Variants in CSMD2 observed in about 807,000 individuals in gnomAD.
CSMD2 encodes CUB and sushi domain-containing protein 2.
In CSMD2, 130 loss-of-function variants were observed where a neutral mutation model predicts 398.5. The observed-to-expected ratio is 0.33, with a 90% CI of 0.28 to 0.38. The LOEUF is 0.38. Ranked by LOEUF, CSMD2 falls within the 10% of genes least tolerant of loss-of-function variation. The pLI, the probability that CSMD2 is intolerant of heterozygous loss-of-function variation, is 1.00. For missense variants in CSMD2, 3,829 were observed against 4,764.9 expected, an observed-to-expected ratio of 0.80 and a Z score of 5.78; for synonymous variants, 1,828 against 1,908.5, an observed-to-expected ratio of 0.96 and a Z score of 1.10.
intron 3 of CSMD2, among the ~76,000 whole-genome samples, chr1:34,004,959 T>G (rs1647013600): frequency 6.6e-6 from 1 of 152,196 alleles, no homozygotes. Context: ...GGCTGAGCCC[T>G]GACCTGGGGG....
At chr1:33,822,850 C>T (rs188072195) in intron 7 of CSMD2, among the ~76,000 whole-genome samples, 21 of 152,322 alleles carry the variant, frequency 1.4e-4, no homozygotes, top group Admixed American at 1.3e-3. Flanking sequence ...TCCGTCCCTA[C>T]TGCAGACTTC....
intron 14 of CSMD2, among the ~76,000 whole-genome samples, chr1:33,742,810 A>C (rs1647125107): frequency 6.6e-6 from 1 of 152,102 alleles, no homozygotes; most frequent in South Asian, 2.1e-4. Flanking sequence ...GACTATGGGA[A>C]TGGGAACTGG....
chr1:33,754,123 G>C (rs767019023), intron 13 of CSMD2, among the ~76,000 whole-genome samples: 7 of 152,198 alleles, frequency 4.6e-5, no homozygotes, highest in Non-Finnish European at 8.8e-5. Flanking sequence ...TGGGGAGCCA[G>C]GGACAGAATG....
chr1:33,557,597 A>G, intron 55 of CSMD2, 137 bp downstream of exon 55: 1 of 815,598 alleles, frequency 1.2e-6, no homozygotes, highest in Non-Finnish European at 1.9e-6. Flanking sequence ...TGTCACCATA[A>G]GGCAACTCAT....
Position 33,601,970 on chromosome 1 carries a change from C to T in CSMD2, c.6710+399G>A, listed in dbSNP as rs79034122. On this transcript the variant is annotated intron_variant, in intron 43 of 70. Coordinates refer to ENST00000373381, the MANE Select transcript of CSMD2 (RefSeq NM_001281956.2). The stretch of plus-strand genomic sequence containing the variant: ...TGCTGGCTCAGCACCAGATGACCAA[C>T]GGGACATCACAAAATTCCACCTCAA... 5.7e-3 allele frequency among the ~76,000 whole-genome samples: 861 copies of T among 152,328 alleles called. 5 individuals are homozygous for T. The highest frequency in any genetic ancestry group is 0.019 in the African/African-American group (792 of 41,564).
chr1:33,536,126 C>G (rs1655749158), intron 62 of CSMD2, among the ~76,000 whole-genome samples: 2 of 152,174 alleles, frequency 1.3e-5, no homozygotes, highest in East Asian at 1.9e-4. Context: ...TGACTAGATC[C>G]CAGCCTGTCA....
At position 33,624,602 on chromosome 1, in the gene CSMD2, G is replaced by C; in HGVS notation, c.5542C>G (p.Leu1848Val). Residue 1848 changes from leucine to valine, a missense_variant, in exon 35 of 71, where the codon CTG becomes GTG. By Grantham distance (32) the Leu-to-Val change is conservative (BLOSUM62 1). Around this residue, in one of 5 missense-constraint regions of CSMD2, gnomAD observed 2,001 missense variants for 2,567.1 expected, o/e 0.78. Transcript: ENST00000373381. This position sits in a 1 kb window ranked among gnomAD's most constrained non-coding sequence, Gnocchi z 4.7. ...TACGGCTCTGGGAAGCCAGGGGACA[G>C]GATGGTGCCCCTGCGCTCTGTGAGG... ...GNLTERRGTI[L>V]SPGFPEPYLN... 6.2e-7 allele frequency: 1 copy of C among 1,613,978 alleles called. No individual in the cohort carries two copies. The highest frequency in any genetic ancestry group is 8.5e-7 in the Non-Finnish European group (1 of 1,179,904).
At chr1:33,896,878 A>G (rs560021668) in intron 5 of CSMD2, among the ~76,000 whole-genome samples, 2 of 152,130 alleles carry the variant, frequency 1.3e-5, no homozygotes, top group African/African-American at 4.8e-5. Context: ...AGCAGAGGGG[A>G]AAGCACGTGC....
rs773112274 is a variant in CSMD2, at chr1:33,743,334, C to T, written c.2119G>A (p.Glu707Lys). 2.5e-6 allele frequency: 4 copies of T among 1,613,860 alleles called. No individual in the cohort carries two copies. Among genetic ancestry groups the T allele is most frequent in the South Asian group, 2.2e-5 (2 of 91,006 alleles). Residue 707 changes from glutamate (E) to lysine (K), a missense_variant, in exon 14 of 71, where the codon GAG becomes AAG. By Grantham distance (56) the Glu-to-Lys change is moderately conservative. Transcript: ENST00000373381. ...ITSSGHVARL[E>K]FQTDHSTGKR... ...CCTGTGGAGTGGTCAGTCTGGAACT[C>T]GAGACGGGCCACGTGGCCACTGCTT...
intron 13 of CSMD2, among the ~76,000 whole-genome samples, chr1:33,754,119 G>A (rs975896320): frequency 6.6e-6 from 1 of 152,200 alleles, no homozygotes; most frequent in Non-Finnish European, 1.5e-5. Context: ...GATTTGGGGA[G>A]CCAGGGACAG....
intron 12 of CSMD2, among the ~76,000 whole-genome samples, chr1:33,775,411 G>A (rs1651841823): frequency 6.6e-6 from 1 of 151,744 alleles, no homozygotes. Context: ...TAATTGCTGA[G>A]TTTTTTTTTC....
At chr1:33,870,059 A>G (rs970734078) in intron 5 of CSMD2, 3 of 152,208 alleles carry the variant, frequency 2.0e-5, no homozygotes, top group Non-Finnish European at 4.4e-5. Flanking sequence ...CCACTAAAAT[A>G]TCAATTATTT....
intron 29 of CSMD2, among the ~76,000 whole-genome samples, chr1:33,640,445 C>T (rs78656492): frequency 0.02 from 3,002 of 152,260 alleles, 32 homozygotes; most frequent in Middle Eastern, 0.065. Context: ...GCCCACAGGT[C>T]GGTGGCTGCC....
At chr1:33,979,695 TTA>T (rs1646095674) in intron 3 of CSMD2, among the ~76,000 whole-genome samples, 1 of 138,748 alleles carries the variant, frequency 7.2e-6, no homozygotes, top group Admixed American at 7.0e-5. Flanking sequence ...TGTGTGTGTT[TTA>T]TGTGTGTGTG....
chr1:33,934,360 C>T (rs1286314985), intron 4 of CSMD2, among the ~76,000 whole-genome samples: 1 of 152,124 alleles, frequency 6.6e-6, no homozygotes, highest in Non-Finnish European at 1.5e-5. Context: ...AAAACAATTC[C>T]CATCTGATTT....
chr1:33,669,151 G>A (rs984452898), intron 25 of CSMD2, among the ~76,000 whole-genome samples: 4 of 152,136 alleles, frequency 2.6e-5, no homozygotes, highest in East Asian at 3.9e-4. Context: ...GGTCAGAGAC[G>A]GTATTCAAAC....
chr1:34,026,655 C>T (rs1206482783), intron 3 of CSMD2, among the ~76,000 whole-genome samples: 1 of 152,254 alleles, frequency 6.6e-6, no homozygotes, highest in African/African-American at 2.4e-5. Flanking sequence ...CATTTCTGAT[C>T]TGCCCATCAC....
At chr1:33,900,040 G>A (rs557995128) in intron 5 of CSMD2, among the ~76,000 whole-genome samples, 1 of 152,318 alleles carries the variant, frequency 6.6e-6, no homozygotes, top group Non-Finnish European at 1.5e-5. Context: ...ATGCTGGGAG[G>A]CTCTGGGAGC....
At chr1:33,739,546 C>T (rs2149246612) in intron 14 of CSMD2, among the ~76,000 whole-genome samples, 1 of 152,330 alleles carries the variant, frequency 6.6e-6, no homozygotes, top group Middle Eastern at 3.4e-3. Flanking sequence ...GCACCTAATC[C>T]CACTGCATTC....
Sources: gnomAD v4.1 joint callset for allele counts (sites outside exome capture counted in the v4.1 genomes callset) on GRCh38, gnomAD v4.1.1 for gene constraint, gnomAD v4.1.1 regional missense constraint, Gnocchi (gnomAD v3.1) non-coding constraint, MANE v1.5 for transcripts, NCBI Gene and HGNC (gene_info 2026-07-23, HGNC 2026-07-21) for gene names.